PTK2: variants seen among roughly 807,000 people sequenced by gnomAD.
The protein encoded by PTK2 is focal adhesion kinase 1.
PTK2 carries 45 observed loss-of-function variants against 150.1 expected under a neutral mutation model. The observed-to-expected ratio is 0.30, with a 90% confidence interval of 0.24 to 0.38. The LOEUF (loss-of-function observed/expected upper bound fraction) is 0.38. PTK2 is among the 10% of genes least tolerant of loss of function. PTK2 has a pLI of 1.00. For synonymous variants in PTK2, 432 were observed against 449.2 expected (o/e 0.96, Z 0.48); for missense variants, 919 against 1,307.3 (o/e 0.70, Z 4.58).
At chr8:140,983,292 C>G (rs951095559) in intron 1 of PTK2, among the ~76,000 whole-genome samples, 5 of 144,190 alleles carry the variant, frequency 3.5e-5, no homozygotes, top group South Asian at 2.2e-4. Context: ...AAGGCTGAGG[C>G]AGGAGAATTG....
chr8:140,778,169 C>G (rs940775257), intron 14 of PTK2, among the ~76,000 whole-genome samples: 2 of 152,162 alleles, frequency 1.3e-5, no homozygotes, highest in Non-Finnish European at 2.9e-5. Context: ...AGACTGGTAA[C>G]AAATTAGACT....
intron 22 of PTK2, among the ~76,000 whole-genome samples, chr8:140,719,401 T>C (rs1009413291): frequency 6.6e-6 from 1 of 152,040 alleles, no homozygotes; most frequent in Admixed American, 6.5e-5. Flanking sequence ...CCTGGTCCCA[T>C]GTGCCAGGCC....
At chr8:140,870,829 T>C (rs1448046485) in intron 4 of PTK2, among the ~76,000 whole-genome samples, 1 of 152,238 alleles carries the variant, frequency 6.6e-6, no homozygotes, top group East Asian at 1.9e-4. Context: ...AAATTAAGAA[T>C]AATTTTTGGA....
intron 3 of PTK2, 48 bp downstream of exon 3, chr8:140,890,495 T>C: frequency 6.7e-7 from 1 of 1,497,502 alleles, no homozygotes; most frequent in Non-Finnish European, 9.2e-7. Flanking sequence ...GCCATTACAT[T>C]TTAACCTAAA....
chr8:140,864,284 A>T, intron 5 of PTK2, 28 bp downstream of exon 5: 2 of 1,309,790 alleles, frequency 1.5e-6, no homozygotes, highest in Non-Finnish European at 2.1e-6. Context: ...AAACAAACAA[A>T]AAAGTATATG....
intron 2 of PTK2, chr8:140,921,256 AG>A (rs888389448): frequency 1.0e-4 from 48 of 474,306 alleles, no homozygotes; most frequent in African/African-American, 8.9e-4. Context: ...GAGGGAAAAG[AG>A]GGAGGAGAAA....
At chr8:140,727,689 A>G (rs1320429835) in intron 22 of PTK2, among the ~76,000 whole-genome samples, 4 of 152,224 alleles carry the variant, frequency 2.6e-5, no homozygotes, top group African/African-American at 2.4e-5. Context: ...CAGGTTAAAC[A>G]TGTTTAAGAT....
At chr8:140,962,790 C>A (rs534941972) in intron 1 of PTK2, among the ~76,000 whole-genome samples, 77 of 151,224 alleles carry the variant, frequency 5.1e-4, no homozygotes, top group African/African-American at 1.8e-3. Context: ...AAAAAAAAAA[C>A]CACAGAATGT....
chr8:140,706,075 A>T, intron 24 of PTK2, 44 bp downstream of exon 27: 1 of 1,486,012 alleles, frequency 6.7e-7, no homozygotes, highest in Middle Eastern at 1.7e-4. Context: ...CAAAAGCGCT[A>T]AATAATAAAA....
chr8:140,951,909 A>AAT (rs397731649), intron 1 of PTK2, among the ~76,000 whole-genome samples: 2,927 of 145,480 alleles, frequency 0.02, 101 homozygotes, highest in African/African-American at 0.068. Context: ...AAAAAAAAAA[A>AAT]TTTTTTTTTT....
intron 23 of PTK2, among the ~76,000 whole-genome samples, chr8:140,715,141 T>C (rs2100038903): frequency 6.7e-6 from 1 of 149,704 alleles, no homozygotes; most frequent in African/African-American, 2.4e-5. Context: ...GATGATTTTC[T>C]AGCCATTAAA....
At chr8:140,719,927 A>G (rs1484703450) in intron 22 of PTK2, among the ~76,000 whole-genome samples, 2 of 149,940 alleles carry the variant, frequency 1.3e-5, no homozygotes, top group South Asian at 2.1e-4. Flanking sequence ...AAAAACAACA[A>G]CAACAACAAC....
At chr8:140,954,193 T>A (rs2100180461) in intron 1 of PTK2, among the ~76,000 whole-genome samples, 2 of 152,164 alleles carry the variant, frequency 1.3e-5, no homozygotes, top group Admixed American at 1.3e-4. Context: ...TTGGCCAGGC[T>A]GGTCTCGAAC....
intron 22 of PTK2, among the ~76,000 whole-genome samples, chr8:140,726,501 G>A (rs2100045897): frequency 6.6e-6 from 1 of 152,004 alleles, no homozygotes; most frequent in African/African-American, 2.4e-5. Flanking sequence ...GAAAATCATG[G>A]AAGCTGCCAG....
chr8:140,856,440 C>T (rs988230089), intron 5 of PTK2, among the ~76,000 whole-genome samples: 5 of 152,046 alleles, frequency 3.3e-5, no homozygotes, highest in African/African-American at 1.2e-4. Context: ...GATAAATACA[C>T]TACGATATAT....
Position 140,930,269 on chromosome 8 carries a change from C to T in PTK2, c.-121-4520G>A, listed in dbSNP as rs563670275. Among the ~76,000 whole-genome samples, 4 of 152,280 alleles carry T rather than the reference C, an allele frequency of 2.6e-5. No homozygotes were observed. In the South Asian group the frequency reaches 6.2e-4, roughly 24 times the overall value. On this transcript the variant is annotated intron_variant, in intron 1 of 31. Transcript: ENST00000522684. Reference sequence around the variant, plus strand: ...TTTTTCACTGACATTGGAAAATACTCATTAACAACAAAAACAGAAACATAT... The same window carrying T: ...TTTTTCACTGACATTGGAAAATACTTATTAACAACAAAAACAGAAACATAT...
intron 16 of PTK2, among the ~76,000 whole-genome samples, chr8:140,758,798 T>C (rs1411762486): frequency 1.3e-5 from 2 of 152,236 alleles, no homozygotes; most frequent in Non-Finnish European, 2.9e-5. Context: ...AGTGTAGTCA[T>C]AATCCAGGCC....
chr8:140,702,111 G>C (rs1260102539), intron 25 of PTK2, among the ~76,000 whole-genome samples: 1 of 83,392 alleles, frequency 1.2e-5, no homozygotes, highest in Non-Finnish European at 2.1e-5. Context: ...CTGGGAGACA[G>C]AGTAAGACTC....
In PTK2 at chr8:140,960,221, C is replaced by T. The variant is rs1473080637; in HGVS notation, c.-121-34472G>A. Among the ~76,000 whole-genome samples, 6 of 103,100 alleles carry T rather than the reference C, an allele frequency of 5.8e-5. No individual in the cohort carries two copies. In the East Asian group the frequency reaches 1.2e-3, roughly 21 times the overall value. 67.6% of individuals were successfully genotyped at this position (103,100 alleles called of 152,430 possible). ...TTTTTTTTTTTTTTTTTTTTTGAGACGGAGTCTCACTCTGTCACCCAGGCT... is the reference window on the plus strand; with the variant it reads ...TTTTTTTTTTTTTTTTTTTTTGAGATGGAGTCTCACTCTGTCACCCAGGCT... On this transcript the variant is annotated intron_variant, in intron 1 of 31. Transcript: ENST00000522684.
Sources: allele counts gnomAD v4.1 joint callset (sites outside exome capture counted in the v4.1 genomes callset), GRCh38; gene constraint gnomAD v4.1.1; transcripts MANE v1.5; gene names NCBI Gene and HGNC (gene_info 2026-07-23, HGNC 2026-07-21).